Variants in TENM3 observed in about 807,000 individuals in gnomAD.
The protein encoded by TENM3 is teneurin-3.
In TENM3, 63 loss-of-function variants were observed where a neutral mutation model predicts 255.1. The observed-to-expected ratio is 0.25, with a 90% CI of 0.20 to 0.30. The LOEUF is 0.30. TENM3 is among the 10% of genes least tolerant of loss of function. The probability of loss-of-function intolerance (pLI) is 1.00; values close to 1 mark genes in which losing one functional copy is unlikely to be tolerated. For missense variants in TENM3, 2,929 were observed against 3,461.1 expected, an observed-to-expected ratio of 0.85 and a Z score of 3.86; for synonymous variants, 1,306 against 1,322.3, an observed-to-expected ratio of 0.99 and a Z score of 0.27.
intron 24 of TENM3, among the ~76,000 whole-genome samples, chr4:182,777,836 C>CATATATATATATATGCTGTTATAT (rs1191334504): frequency 7.2e-6 from 1 of 139,712 alleles, no homozygotes; most frequent in Non-Finnish European, 1.5e-5. Flanking sequence ...AGGAATACAG[C>CATATATATATATATGCTGTTATAT]ATATATATAT....
chr4:182,130,828 A>C, the TENM3 span, among the ~76,000 whole-genome samples: 1 of 152,178 alleles, frequency 6.6e-6, no homozygotes, highest in Non-Finnish European at 1.5e-5. Context: ...CTGAACTAGA[A>C]GAAAATAATT....
intron 11 of TENM3, among the ~76,000 whole-genome samples, chr4:182,683,687 G>A (rs557564115): frequency 1.6e-4 from 25 of 152,062 alleles, no homozygotes; most frequent in Non-Finnish European, 3.1e-4. Flanking sequence ...AGGATTTATC[G>A]ATAGCAATAA....
the TENM3 span, among the ~76,000 whole-genome samples, chr4:181,462,115 A>G: frequency 6.6e-6 from 1 of 152,164 alleles, no homozygotes; most frequent in South Asian, 2.1e-4. Context: ...TTTAACCTCA[A>G]TATTAAAGTG....
the TENM3 span, among the ~76,000 whole-genome samples, chr4:181,817,640 C>G: frequency 6.6e-6 from 1 of 152,160 alleles, no homozygotes; most frequent in Non-Finnish European, 1.5e-5. Context: ...GGCTCACCCT[C>G]ATGAATGGTA....
At chr4:181,846,478 C>T in the TENM3 span, among the ~76,000 whole-genome samples, 11 of 151,896 alleles carry the variant, frequency 7.2e-5, no homozygotes, top group East Asian at 1.9e-4. Flanking sequence ...GACTCAACTT[C>T]GAGATTTAGT....
intron 24 of TENM3, 34 bp downstream of exon 24, chr4:182,775,187 A>C (rs1192511291): frequency 6.3e-7 from 1 of 1,593,230 alleles, no homozygotes; most frequent in South Asian, 1.1e-5. Flanking sequence ...AGATAGCTGC[A>C]GCCCTCTGAT....
At chr4:181,877,913 G>A in the TENM3 span, among the ~76,000 whole-genome samples, 1 of 152,170 alleles carries the variant, frequency 6.6e-6, no homozygotes. Context: ...GACAGGGTTT[G>A]GTGGTAGTGG....
At chr4:181,906,230 G>T in the TENM3 span, 1 of 217,406 alleles carries the variant, frequency 4.6e-6, no homozygotes, top group Non-Finnish European at 9.2e-6. Context: ...GCATTGCATA[G>T]TAAGTCTTTA....
intron 4 of TENM3, among the ~76,000 whole-genome samples, chr4:182,628,406 AT>A (rs1433412145): frequency 6.6e-6 from 1 of 152,216 alleles, no homozygotes; most frequent in Non-Finnish European, 1.5e-5. Context: ...ATTTATGATC[AT>A]TTATATGTAT....
chr4:181,937,834 G>A, the TENM3 span, among the ~76,000 whole-genome samples: 1 of 152,188 alleles, frequency 6.6e-6, no homozygotes, highest in Non-Finnish European at 1.5e-5. Flanking sequence ...CTCCCAGAGT[G>A]GAAAGTTTTA....
chr4:182,225,237 T>A (rs1230746262), intron 1 of TENM3, among the ~76,000 whole-genome samples: 1 of 152,268 alleles, frequency 6.6e-6, no homozygotes, highest in Non-Finnish European at 1.5e-5. Flanking sequence ...ATTATTGTTG[T>A]TTTGGGTCTC....
the TENM3 span, among the ~76,000 whole-genome samples, chr4:181,551,807 A>AATATAT: frequency 1.3e-4 from 19 of 140,938 alleles, no homozygotes; most frequent in African/African-American, 4.0e-4. Context: ...GGCAGTTAAT[A>AATATAT]ATATATATAT....
At chr4:182,489,588 T>C (rs1266774748) in intron 3 of TENM3, among the ~76,000 whole-genome samples, 2 of 152,196 alleles carry the variant, frequency 1.3e-5, no homozygotes, top group Non-Finnish European at 2.9e-5. Context: ...CACCATACTG[T>C]TGAAATGATT....
intron 2 of TENM3, among the ~76,000 whole-genome samples, chr4:182,341,710 T>C (rs1388098387): frequency 6.6e-6 from 1 of 152,236 alleles, no homozygotes; most frequent in African/African-American, 2.4e-5. Context: ...TAGGATATAG[T>C]TCCAAAGGTA....
the TENM3 span, among the ~76,000 whole-genome samples, chr4:181,948,252 AAT>A: frequency 6.6e-6 from 1 of 152,176 alleles, no homozygotes; most frequent in African/African-American, 2.4e-5. Context: ...GGGGGGAAAA[AAT>A]AGAGACTATA....
chr4:181,813,838 AAAT>A, the TENM3 span, among the ~76,000 whole-genome samples: 3 of 152,184 alleles, frequency 2.0e-5, no homozygotes, highest in Non-Finnish European at 4.4e-5. Flanking sequence ...TCTTGTTTTC[AAAT>A]AATAGTGGGT....
intron 3 of TENM3, among the ~76,000 whole-genome samples, chr4:182,594,683 GGTGTGT>G (rs67667219): frequency 0.015 from 2,100 of 138,182 alleles, 33 homozygotes; most frequent in African/African-American, 0.028. Flanking sequence ...TTTTTGTTTT[GGTGTGT>G]GTGTGTGTGT....
the TENM3 span, among the ~76,000 whole-genome samples, chr4:182,097,216 A>G: frequency 2.6e-5 from 4 of 152,078 alleles, no homozygotes; most frequent in Non-Finnish European, 5.9e-5. Context: ...TTTCTTTACA[A>G]TGAAAATAGC....
chr4:182,100,438 T>TA, the TENM3 span, among the ~76,000 whole-genome samples: 27,305 of 65,130 alleles, frequency 0.42, 3,993 homozygotes, highest in Middle Eastern at 0.53. Flanking sequence ...TCCGTCTCCG[T>TA]AAAAAAAAAA....
Sources: gnomAD v4.1 joint callset for allele counts (sites outside exome capture counted in the v4.1 genomes callset) on GRCh38, gnomAD v4.1.1 for gene constraint, MANE v1.5 for transcripts, NCBI Gene and HGNC (gene_info 2026-07-23, HGNC 2026-07-21) for gene names.